The following SCAPER variants were observed in gnomAD, a reference collection of about 807,000 sequenced individuals.
The protein encoded by SCAPER is S-phase cyclin A associated protein in the ER, also known as S phase cyclin A-associated protein in the endoplasmic reticulum.
Under a neutral mutation model 182.2 loss-of-function variants are expected in SCAPER, and 98 were observed. That is an observed-to-expected ratio of 0.54 (90% CI 0.46 to 0.64). SCAPER has a LOEUF of 0.64. SCAPER is among the 30% of genes least tolerant of loss of function. The pLI is 0.00. For missense variants in SCAPER, 1,432 were observed against 1,690.0 expected (o/e 0.85, Z 2.68); for synonymous variants, 605 against 564.6 (o/e 1.07, Z -1.01).
intron 25 of SCAPER, among the ~76,000 whole-genome samples, chr15:76,453,072 G>A (rs1342772728): frequency 2.0e-5 from 3 of 152,156 alleles, no homozygotes; most frequent in Non-Finnish European, 2.9e-5. Flanking sequence ...GGCCTCCAGC[G>A]ATCCTCCTGC....
At chr15:76,847,891 A>G (rs1189777715) in intron 4 of SCAPER, among the ~76,000 whole-genome samples, 3 of 152,238 alleles carry the variant, frequency 2.0e-5, no homozygotes, top group African/African-American at 7.2e-5. Context: ...ACTGCACTCC[A>G]GCCTGGGAAA....
Position 76,679,319 on chromosome 15 carries a change from TAAAAGA to T in SCAPER, c.2509-13536_2509-13531del, listed in dbSNP as rs148108189. ...AGTGCTCAAGAAATGCTTTTAAAAA[TAAAAGA>T]AAAAGACTGACAGTTCCATTATATT... On this transcript the variant is annotated intron_variant, in intron 20 of 31. Transcript: ENST00000563290. 5.7e-3 allele frequency among the ~76,000 whole-genome samples: 863 copies of T among 152,220 alleles called. 8 individuals are homozygous for T. Among genetic ancestry groups the T allele is most frequent in the African/African-American group, 0.02 (816 of 41,540 alleles).
At chr15:76,836,011 CAAT>C (rs2068921214) in intron 5 of SCAPER, among the ~76,000 whole-genome samples, 1 of 143,128 alleles carries the variant, frequency 7.0e-6, no homozygotes, top group East Asian at 2.1e-4. Flanking sequence ...AATTACAAAA[CAAT>C]GATGAAAGAA....
intron 5 of SCAPER, among the ~76,000 whole-genome samples, chr15:76,805,602 C>T (rs1238983808): frequency 7.0e-6 from 1 of 142,718 alleles, no homozygotes; most frequent in Non-Finnish European, 1.5e-5. Context: ...CTCTGTCACC[C>T]AGGCTGGAGT....
intron 24 of SCAPER, among the ~76,000 whole-genome samples, chr15:76,499,612 G>A (rs1279081949): frequency 6.6e-6 from 1 of 152,136 alleles, no homozygotes; most frequent in Non-Finnish European, 1.5e-5. Context: ...AATCTACTTG[G>A]GGAGATGATG....
intron 26 of SCAPER, among the ~76,000 whole-genome samples, chr15:76,423,110 G>C (rs2046167683): frequency 3.3e-5 from 5 of 152,142 alleles, no homozygotes; most frequent in Admixed American, 3.3e-4. Flanking sequence ...GCCAGGCTTT[G>C]GTATCAGGAT....
intron 1 of SCAPER, 137 bp from the exon 2 acceptor site, chr15:76,884,013 G>C (rs1242046340): frequency 1.9e-6 from 1 of 528,702 alleles, no homozygotes; most frequent in Non-Finnish European, 3.3e-6. Context: ...TTACCTGTTG[G>C]GGTATAATAT....
intron 23 of SCAPER, among the ~76,000 whole-genome samples, chr15:76,511,335 C>A (rs1184217347): frequency 6.6e-6 from 1 of 152,176 alleles, no homozygotes; most frequent in Non-Finnish European, 1.5e-5. Context: ...AAAATTTACT[C>A]TTGATTTGTG....
chr15:76,679,410 G>A (rs1321150122), intron 20 of SCAPER, among the ~76,000 whole-genome samples: 1 of 152,078 alleles, frequency 6.6e-6, no homozygotes, highest in Non-Finnish European at 1.5e-5. Flanking sequence ...GAAATGCAAT[G>A]CATTTTTATC....
At chr15:76,797,579 C>T (rs1056436364) in intron 7 of SCAPER, 9 of 152,146 alleles carry the variant, frequency 5.9e-5, no homozygotes, top group African/African-American at 2.2e-4. Flanking sequence ...GAGGAACTGA[C>T]AAGCAAAGGC....
chr15:76,490,811 G>T (rs1310592554), intron 24 of SCAPER, among the ~76,000 whole-genome samples: 1 of 152,132 alleles, frequency 6.6e-6, no homozygotes, highest in Non-Finnish European at 1.5e-5. Context: ...GTTGATTCTT[G>T]TGTTAGGGTA....
At chr15:76,415,329 T>C (rs550116335) in intron 26 of SCAPER, among the ~76,000 whole-genome samples, 4 of 152,306 alleles carry the variant, frequency 2.6e-5, no homozygotes, top group Admixed American at 2.6e-4. Context: ...AAGTTGAACA[T>C]GCATTTATTA....
intron 24 of SCAPER, among the ~76,000 whole-genome samples, chr15:76,484,348 G>C (rs2051409014): frequency 6.6e-6 from 1 of 151,992 alleles, no homozygotes; most frequent in African/African-American, 2.4e-5. Flanking sequence ...AAGCAGTAGA[G>C]AATATTATGA....
At chr15:76,481,128 C>T (rs2051103333) in intron 24 of SCAPER, among the ~76,000 whole-genome samples, 3 of 152,064 alleles carry the variant, frequency 2.0e-5, no homozygotes, top group South Asian at 2.1e-4. Context: ...TTTTTTGTAG[C>T]TATCAGGAAT....
At chr15:76,409,953 A>C (rs2045163473) in intron 26 of SCAPER, among the ~76,000 whole-genome samples, 1 of 148,146 alleles carries the variant, frequency 6.8e-6, no homozygotes, top group South Asian at 2.1e-4. Flanking sequence ...AGGCCTGGCT[A>C]ATTTTTTTTT....
chr15:76,676,574 TATAAAG>T (rs1333941826), intron 20 of SCAPER, among the ~76,000 whole-genome samples: 9 of 152,148 alleles, frequency 5.9e-5, no homozygotes, highest in Non-Finnish European at 1.2e-4. Context: ...AAGATTTCTC[TATAAAG>T]ATATTCACTG....
intron 26 of SCAPER, among the ~76,000 whole-genome samples, chr15:76,431,507 T>C (rs2046852836): frequency 6.6e-6 from 1 of 151,936 alleles, no homozygotes; most frequent in South Asian, 2.1e-4. Flanking sequence ...AATCTGCTCC[T>C]GCTCTACTTC....
chr15:76,725,073 A>G (rs2060499747), intron 17 of SCAPER, among the ~76,000 whole-genome samples: 2 of 151,814 alleles, frequency 1.3e-5, no homozygotes, highest in South Asian at 4.2e-4. Flanking sequence ...TCTTCTCTCC[A>G]CCCCCCAATA....
rs145196592 is a variant in SCAPER at position 76,648,124 on chromosome 15, G to C, written c.2645+17529C>G. On this transcript the variant is annotated intron_variant, in intron 21 of 31. Transcript: ENST00000563290. ...ATAAGCCATACTCGGAGAAAAATCA[G>C]CGTGAAAAGGAATGACAGATATAAT... Among the ~76,000 whole-genome samples, 300 of 151,792 alleles carry C rather than the reference G, an allele frequency of 2.0e-3. 1 individual carries two copies. Among genetic ancestry groups the C allele is most frequent in the Non-Finnish European group, 3.9e-3 (263 of 67,948 alleles).
Sources: allele counts gnomAD v4.1 joint callset (sites outside exome capture counted in the v4.1 genomes callset), GRCh38; gene constraint gnomAD v4.1.1; transcripts MANE v1.5; gene names NCBI Gene and HGNC (gene_info 2026-07-23, HGNC 2026-07-21).